Variants in CHD9 observed in about 807,000 individuals in gnomAD.
CHD9 encodes ATP-dependent chromatin remodeler CHD9.
A neutral mutation model predicts 316.1 loss-of-function variants in CHD9; 77 were observed. The ratio of observed to expected loss-of-function variants is 0.24; its 90% CI spans 0.20 to 0.29. CHD9 has a LOEUF of 0.29. CHD9 is among the 10% of genes least tolerant of loss of function. The pLI is 1.00. For missense variants in CHD9, 2,763 were observed against 3,438.1 expected (o/e 0.80, Z 4.91); for synonymous variants, 1,129 against 1,158.3 (o/e 0.97, Z 0.51).
chr16:53,081,100 T>A (rs546208295), intron 1 of CHD9, among the ~76,000 whole-genome samples: 27 of 152,318 alleles, frequency 1.8e-4, no homozygotes, highest in Admixed American at 1.3e-3. Flanking sequence ...CTTTGTCCCA[T>A]CCCTACTTCC....
At chr16:53,095,655 C>T (rs1393994101) in intron 1 of CHD9, among the ~76,000 whole-genome samples, 4 of 152,192 alleles carry the variant, frequency 2.6e-5, no homozygotes, top group Non-Finnish European at 5.9e-5. Context: ...TCACCCATAG[C>T]GTAGCATTCA....
intron 1 of CHD9, among the ~76,000 whole-genome samples, chr16:53,057,248 G>A (rs916896437): frequency 7.9e-5 from 12 of 152,154 alleles, no homozygotes; most frequent in African/African-American, 2.9e-4. Flanking sequence ...AGACTGAGGT[G>A]TGAGGTTAGG....
intron 1 of CHD9, among the ~76,000 whole-genome samples, chr16:53,091,922 A>G (rs2035977301): frequency 6.6e-6 from 1 of 151,518 alleles, no homozygotes; most frequent in South Asian, 2.1e-4. Flanking sequence ...TTTTCTTGTA[A>G]TATCCAAGCT....
intron 37 of CHD9, among the ~76,000 whole-genome samples, chr16:53,319,636 T>G (rs1202129467): frequency 6.6e-6 from 1 of 152,212 alleles, no homozygotes; most frequent in Non-Finnish European, 1.5e-5. Flanking sequence ...TTACTAAATA[T>G]TATGAATGAG....
intron 1 of CHD9, among the ~76,000 whole-genome samples, chr16:53,142,289 A>G (rs1288165127): frequency 1.3e-5 from 2 of 152,300 alleles, no homozygotes; most frequent in East Asian, 1.9e-4. Flanking sequence ...CTTCTTTGAG[A>G]TGGAGTTTCA....
At chr16:53,095,277 G>A (rs1457683256) in intron 1 of CHD9, among the ~76,000 whole-genome samples, 1 of 152,174 alleles carries the variant, frequency 6.6e-6, no homozygotes, top group Non-Finnish European at 1.5e-5. Flanking sequence ...TAGGCGCAGT[G>A]GTTCATACCT....
At chr16:53,072,869 A>G (rs980406751) in intron 1 of CHD9, among the ~76,000 whole-genome samples, 11 of 151,712 alleles carry the variant, frequency 7.3e-5, no homozygotes, top group African/African-American at 2.7e-4. Context: ...TAATTTTTGT[A>G]TTTTTAGTAG....
At chr16:53,209,898 A>G (rs1263243545) in intron 3 of CHD9, 85 bp downstream of exon 3, 2 of 923,724 alleles carry the variant, frequency 2.2e-6, no homozygotes, top group African/African-American at 3.4e-5. Flanking sequence ...TGATTTGAGT[A>G]TATTTACTCC....
At position 53,238,578 on chromosome 16, in the gene CHD9, G is replaced by T; in HGVS notation, c.2869G>T (p.Asp957Tyr). 6.2e-7 allele frequency: 1 copy of T among 1,612,880 alleles called. No homozygotes were observed. The highest frequency in any genetic ancestry group is 8.5e-7 in the Non-Finnish European group (1 of 1,179,208). ...MIQQYEMYFR[D>Y]SQGRIIRGAY... ...ACAGCAATACGAGATGTACTTCAGG[G>T]ATTCACAGGTGTGTTATTGATTATT... The change falls in exon 12 of 39, where the codon GAT becomes TAT. Residue 957 changes from aspartate to tyrosine, a missense_variant. Coordinates refer to ENST00000447540, the MANE Select transcript of CHD9 (RefSeq NM_001308319.2).
At chr16:53,062,356 A>ACATGG (rs1257823829) in intron 1 of CHD9, among the ~76,000 whole-genome samples, 14 of 152,248 alleles carry the variant, frequency 9.2e-5, no homozygotes, top group African/African-American at 3.4e-4. Flanking sequence ...TATGGTAGTA[A>ACATGG]TATAACGTTT....
chr16:53,306,200 A>T (rs770430857), intron 31 of CHD9, 37 bp from the exon 32 acceptor site: 1 of 1,259,892 alleles, frequency 7.9e-7, no homozygotes, highest in Non-Finnish European at 1.1e-6. Context: ...TATTTTATGT[A>T]GTCTTTTTAA....
At chr16:53,201,367 A>G (rs1439810404) in intron 2 of CHD9, among the ~76,000 whole-genome samples, 2 of 152,222 alleles carry the variant, frequency 1.3e-5, no homozygotes, top group Admixed American at 1.3e-4. Flanking sequence ...TATTTTATCA[A>G]TTATTCTGGC....
At chr16:53,120,534 A>T (rs796149463) in intron 1 of CHD9, among the ~76,000 whole-genome samples, 8 of 152,186 alleles carry the variant, frequency 5.3e-5, no homozygotes, top group African/African-American at 1.9e-4. Context: ...AATCGCTTGA[A>T]ACCGGGAGGC....
chr16:53,284,649 A>G (rs1197043267), intron 24 of CHD9, among the ~76,000 whole-genome samples: 2 of 152,232 alleles, frequency 1.3e-5, no homozygotes, highest in East Asian at 1.9e-4. Flanking sequence ...TTTGTTACTT[A>G]TAAAATCAGT....
At chr16:53,271,129 A>T (rs1356222292) in intron 22 of CHD9, among the ~76,000 whole-genome samples, 1 of 151,414 alleles carries the variant, frequency 6.6e-6, no homozygotes, top group Non-Finnish European at 1.5e-5. Context: ...AAACCCAGCC[A>T]GTTACCCTTC....
rs199551017 is a variant in CHD9, at chr16:53,146,403, T to TTG, written c.-164-9511_-164-9510dup. 1.5e-3 allele frequency among the ~76,000 whole-genome samples: 46 copies of TTG among 31,624 alleles called. 2 individuals carry two copies. The highest frequency in any genetic ancestry group is 6.9e-3 in the African/African-American group (40 of 5,766). 20.7% of individuals were successfully genotyped at this position (31,624 alleles called of 152,430 possible). ...GAGACTCTGTCTCAAAAAAAAAAAA[T>TTG]TGTGTGTGTGTGTATGTATATATAT... On this transcript the variant is annotated intron_variant, in intron 1 of 38. Coordinates refer to ENST00000447540, the MANE Select transcript of CHD9 (RefSeq NM_001308319.2).
At chr16:53,309,658 G>A (rs559020334) in intron 34 of CHD9, among the ~76,000 whole-genome samples, 31 of 152,260 alleles carry the variant, frequency 2.0e-4, no homozygotes, top group Admixed American at 2.0e-3. Flanking sequence ...TGTTGAGATA[G>A]TGTCTCACTA....
chr16:53,291,670 T>A, intron 27 of CHD9, 55 bp from the exon 28 acceptor site: 1 of 1,182,960 alleles, frequency 8.5e-7, no homozygotes, highest in Non-Finnish European at 1.2e-6. Context: ...TTTTCTTTTT[T>A]TATATATCTC....
intron 1 of CHD9, among the ~76,000 whole-genome samples, chr16:53,148,733 A>G (rs115358549): frequency 1.3e-3 from 200 of 152,250 alleles, no homozygotes; most frequent in African/African-American, 4.6e-3. Flanking sequence ...AAAATTCTGG[A>G]TATTAAACCC....
Sources: gnomAD v4.1 joint callset for allele counts (sites outside exome capture counted in the v4.1 genomes callset) on GRCh38, gnomAD v4.1.1 for gene constraint, MANE v1.5 for transcripts, NCBI Gene and HGNC (gene_info 2026-07-23, HGNC 2026-07-21) for gene names.